ROBO1: variants seen among roughly 807,000 people sequenced by gnomAD.
ROBO1 encodes the protein roundabout homolog 1.
Under a neutral mutation model 195.9 loss-of-function variants are expected in ROBO1, and 149 were observed. The ratio of observed to expected loss-of-function variants is 0.76; its 90% confidence interval spans 0.67 to 0.87. The LOEUF (loss-of-function observed/expected upper bound fraction) is 0.87. Among genes scored for constraint, ROBO1 ranks in the 40% least tolerant of loss-of-function variants. ROBO1 has a pLI of 0.00. For missense variants in ROBO1, 1,933 were observed against 2,068.3 expected (o/e 0.93, Z 1.27); for synonymous variants, 816 against 733.2 (o/e 1.11, Z -1.82).
intron 3 of ROBO1, among the ~76,000 whole-genome samples, chr3:78,981,892 G>A (rs2077003072): frequency 6.6e-6 from 1 of 151,556 alleles, no homozygotes; most frequent in Admixed American, 6.6e-5. Flanking sequence ...TCTTCCCAAT[G>A]AAATCCAACT....
intron 1 of ROBO1, among the ~76,000 whole-genome samples, chr3:79,750,516 G>T (rs192284045): frequency 1.3e-5 from 2 of 152,278 alleles, no homozygotes; most frequent in East Asian, 3.9e-4. Context: ...AACATGAATT[G>T]TAACTCCCAC....
intron 1 of ROBO1, among the ~76,000 whole-genome samples, chr3:79,710,968 C>T (rs560891791): frequency 1.3e-3 from 199 of 152,140 alleles, no homozygotes; most frequent in Non-Finnish European, 1.8e-3. Flanking sequence ...AGTAGAGCAC[C>T]TGGTAATGAG....
chr3:78,639,976 C>T (rs923297777), intron 21 of ROBO1, 78 bp from the exon 22 acceptor site: 1 of 1,191,132 alleles, frequency 8.4e-7, no homozygotes, highest in South Asian at 1.7e-5. Context: ...CCAATAAATT[C>T]CTCATCTTGT....
At chr3:78,810,173 C>T (rs1284813874) in intron 4 of ROBO1, among the ~76,000 whole-genome samples, 1 of 152,102 alleles carries the variant, frequency 6.6e-6, no homozygotes, top group East Asian at 1.9e-4. Context: ...ATTCCAAGCG[C>T]CAGCTTGCAA....
intron 4 of ROBO1, among the ~76,000 whole-genome samples, chr3:78,901,392 A>G (rs1425880149): frequency 6.6e-6 from 1 of 152,234 alleles, no homozygotes. Context: ...TTAAACATGT[A>G]CAAAGAAAAT....
chr3:79,742,913 G>A (rs1220595824), intron 1 of ROBO1, among the ~76,000 whole-genome samples: 1 of 152,152 alleles, frequency 6.6e-6, no homozygotes, highest in Non-Finnish European at 1.5e-5. Context: ...AATGTGAAAG[G>A]TGACCAAGTG....
chr3:79,350,606 G>T lies in ROBO1; in HGVS notation c.89-225067C>A, dbSNP rs181185348. 2.0e-4 allele frequency among the ~76,000 whole-genome samples: 31 copies of T among 152,200 alleles called. No individual in the cohort carries two copies. In the East Asian group the frequency reaches 5.4e-3, roughly 27 times the overall value. On this transcript the variant is annotated intron_variant, in intron 2 of 30. Transcript: ENST00000464233. The stretch of plus-strand genomic sequence containing the variant: ...TATCTTTATAATGGAATGTTACTTG[G>T]CTAACAAAGGAAAAAGGATGGCTAC...
rs1281406127 is a variant in ROBO1 at position 78,702,061 on chromosome 3, T to C, written c.1045+12336A>G. ...ATTTATACAAAATATTTTTAAAAACTAAAAAAGAATTGCTTTGTATTTTTA... is the reference window on the plus strand; with the variant it reads ...ATTTATACAAAATATTTTTAAAAACCAAAAAAGAATTGCTTTGTATTTTTA... On this transcript the variant is annotated intron_variant, in intron 8 of 30. Transcript: ENST00000464233. 3.3e-5 allele frequency among the ~76,000 whole-genome samples: 5 copies of C among 152,116 alleles called. No individual in the cohort carries two copies. In the East Asian group the frequency reaches 7.7e-4, roughly 23 times the overall value.
chr3:79,521,157 T>G (rs1362820509), intron 2 of ROBO1, among the ~76,000 whole-genome samples: 2 of 152,184 alleles, frequency 1.3e-5, no homozygotes, highest in African/African-American at 4.8e-5. Flanking sequence ...TTGGAGTGCT[T>G]AATTATACTG....
At chr3:79,427,866 A>C (rs1313641458) in intron 2 of ROBO1, among the ~76,000 whole-genome samples, 1 of 152,198 alleles carries the variant, frequency 6.6e-6, no homozygotes, top group Non-Finnish European at 1.5e-5. Flanking sequence ...GAAACTCCCC[A>C]GGACATTGGA....
At chr3:78,955,943 C>A (rs892709881) in intron 3 of ROBO1, among the ~76,000 whole-genome samples, 2 of 152,128 alleles carry the variant, frequency 1.3e-5, no homozygotes, top group South Asian at 2.1e-4. Context: ...TAATTGTATT[C>A]TTTCTCTCCT....
intron 19 of ROBO1, among the ~76,000 whole-genome samples, chr3:78,648,365 G>A (rs1277939207): frequency 6.6e-6 from 1 of 151,990 alleles, no homozygotes; most frequent in Non-Finnish European, 1.5e-5. Context: ...ATTTCTTTGA[G>A]TTTACTTTTA....
chr3:79,530,936 G>A (rs1291054861), intron 2 of ROBO1, among the ~76,000 whole-genome samples: 1 of 152,022 alleles, frequency 6.6e-6, no homozygotes, highest in Non-Finnish European at 1.5e-5. Context: ...CCCTTGCTCT[G>A]TGCTGGATAC....
chr3:79,709,709 G>A (rs1367874928), intron 1 of ROBO1, among the ~76,000 whole-genome samples: 1 of 150,914 alleles, frequency 6.6e-6, no homozygotes, highest in Non-Finnish European at 1.5e-5. Context: ...CCCTCCGCCT[G>A]CCCCAAATTC....
At chr3:79,691,410 C>T (rs970878643) in intron 1 of ROBO1, among the ~76,000 whole-genome samples, 1 of 151,514 alleles carries the variant, frequency 6.6e-6, no homozygotes, top group South Asian at 2.1e-4. Context: ...TTATTCTTTA[C>T]ATAATAGAGT....
rs546141048 is a variant in ROBO1 at position 79,068,231 on chromosome 3, T to G, written c.172+57225A>C. On this transcript the variant is annotated intron_variant, in intron 3 of 30. Transcript: ENST00000464233. Reference sequence around the variant, plus strand: ...AACCAAAGTGCCTTTGCTGAACACATAGATTAAGGCCCAGATTCCTCTCCC... The same window carrying G: ...AACCAAAGTGCCTTTGCTGAACACAGAGATTAAGGCCCAGATTCCTCTCCC... 3.9e-5 allele frequency among the ~76,000 whole-genome samples: 6 copies of G among 151,968 alleles called. No individual in the cohort carries two copies. The South Asian group carries it at 1.2e-3, about 31-fold the overall frequency.
intron 2 of ROBO1, among the ~76,000 whole-genome samples, chr3:79,433,064 G>A (rs2038743573): frequency 5.9e-5 from 9 of 152,124 alleles, no homozygotes; most frequent in Admixed American, 5.9e-4. Context: ...CGATGTGTGG[G>A]TATGTTACAT....
At chr3:79,404,658 C>T (rs1390989186) in intron 2 of ROBO1, among the ~76,000 whole-genome samples, 1 of 152,006 alleles carries the variant, frequency 6.6e-6, no homozygotes, top group Non-Finnish European at 1.5e-5. Context: ...GTTTTCTGAA[C>T]AATCAAGCAT....
At chr3:78,775,033 T>G (rs2083469554) in intron 4 of ROBO1, among the ~76,000 whole-genome samples, 2 of 152,222 alleles carry the variant, frequency 1.3e-5, no homozygotes, top group South Asian at 4.1e-4. Flanking sequence ...AACTCTTACA[T>G]TTAGTAGATT....
Sources: gnomAD v4.1 joint callset for allele counts (sites outside exome capture counted in the v4.1 genomes callset) on GRCh38, gnomAD v4.1.1 for gene constraint, MANE v1.5 for transcripts, NCBI Gene and HGNC (gene_info 2026-07-23, HGNC 2026-07-21) for gene names.